MAGI1: variants seen among roughly 807,000 people sequenced by gnomAD.
MAGI1 encodes membrane associated guanylate kinase, WW and PDZ domain containing 1, also known as membrane-associated guanylate kinase, WW and PDZ domain-containing protein 1.
MAGI1 carries 58 observed loss-of-function variants against 139.9 expected under a neutral mutation model. The observed-to-expected ratio is 0.41, with a 90% CI of 0.34 to 0.52. MAGI1 has a LOEUF of 0.52. MAGI1 is among the 20% of genes least tolerant of loss of function. MAGI1 has a pLI of 0.12. For synonymous variants in MAGI1, 812 were observed against 737.9 expected (o/e 1.10, Z -1.63); for missense variants, 1,874 against 1,901.6 (o/e 0.99, Z 0.27).
At chr3:65,531,383 G>A (rs749327707) in intron 2 of MAGI1, among the ~76,000 whole-genome samples, 10 of 151,982 alleles carry the variant, frequency 6.6e-5, no homozygotes, top group Non-Finnish European at 1.2e-4. Flanking sequence ...TTATCGTCAG[G>A]GGAACTCGGG....
At chr3:65,702,499 A>G (rs1281235897) in intron 1 of MAGI1, among the ~76,000 whole-genome samples, 1 of 152,158 alleles carries the variant, frequency 6.6e-6, no homozygotes, top group Non-Finnish European at 1.5e-5. Flanking sequence ...CCAGGCCAGA[A>G]GCTATTAACT....
At chr3:65,392,067 A>G (rs1027342308) in intron 13 of MAGI1, among the ~76,000 whole-genome samples, 1 of 152,170 alleles carries the variant, frequency 6.6e-6, no homozygotes, top group Non-Finnish European at 1.5e-5. Flanking sequence ...ATATGAGTTG[A>G]CCTCTGGGGG....
chr3:65,947,362 A>G (rs2106904036), intron 1 of MAGI1, among the ~76,000 whole-genome samples: 1 of 152,312 alleles, frequency 6.6e-6, no homozygotes, highest in East Asian at 1.9e-4. Flanking sequence ...TATCTCCTAA[A>G]TATATTTAAA....
chr3:65,997,183 G>A (rs148846446), intron 1 of MAGI1, among the ~76,000 whole-genome samples: 6 of 152,052 alleles, frequency 3.9e-5, no homozygotes, highest in Non-Finnish European at 8.8e-5. Flanking sequence ...GAAGTGGTCT[G>A]GCAGCACCTC....
intron 1 of MAGI1, among the ~76,000 whole-genome samples, chr3:65,981,088 G>C (rs1227636593): frequency 6.7e-6 from 1 of 150,176 alleles, no homozygotes; most frequent in Non-Finnish European, 1.5e-5. Flanking sequence ...TTGAACCCGG[G>C]AGGCGGAGGT....
At chr3:65,478,082 CG>C (rs1951011448) in intron 4 of MAGI1, among the ~76,000 whole-genome samples, 1 of 151,966 alleles carries the variant, frequency 6.6e-6, no homozygotes, top group Non-Finnish European at 1.5e-5. Flanking sequence ...AACAATTTTG[CG>C]TAAGTTAACT....
intron 1 of MAGI1, among the ~76,000 whole-genome samples, chr3:65,829,993 C>T (rs1262896140): frequency 1.3e-5 from 2 of 152,150 alleles, no homozygotes; most frequent in East Asian, 1.9e-4. Flanking sequence ...TTAGTCACAA[C>T]GGTATCTACA....
intron 13 of MAGI1, among the ~76,000 whole-genome samples, chr3:65,400,885 C>T (rs923658103): frequency 1.4e-5 from 2 of 146,958 alleles, no homozygotes; most frequent in African/African-American, 2.5e-5. Context: ...AGTGCTGGGG[C>T]AGTGAACATT....
intron 9 of MAGI1, among the ~76,000 whole-genome samples, chr3:65,439,452 C>T: frequency 6.6e-6 from 1 of 152,126 alleles, no homozygotes; most frequent in East Asian, 1.9e-4. Flanking sequence ...TTTTTAAAAG[C>T]ACCCAAAACT....
intron 1 of MAGI1, among the ~76,000 whole-genome samples, chr3:65,966,488 C>T (rs955192640): frequency 1.3e-5 from 2 of 151,732 alleles, no homozygotes; most frequent in African/African-American, 2.4e-5. Context: ...TTGCGACTGA[C>T]AAAAAGAGAA....
chr3:65,549,089 G>C (rs1447428245), intron 2 of MAGI1, among the ~76,000 whole-genome samples: 3 of 152,138 alleles, frequency 2.0e-5, no homozygotes, highest in Non-Finnish European at 4.4e-5. Flanking sequence ...GCCCCTGCTC[G>C]GGCCCTGCGC....
intron 1 of MAGI1, among the ~76,000 whole-genome samples, chr3:65,959,597 CATTTTTATT>C (rs1339394880): frequency 4.3e-5 from 6 of 140,212 alleles, no homozygotes; most frequent in African/African-American, 1.6e-4. Context: ...ACCATCCCAG[CATTTTTATT>C]ATTATTATTA....
At chr3:65,771,767 G>C (rs2037971240) in intron 1 of MAGI1, among the ~76,000 whole-genome samples, 1 of 152,168 alleles carries the variant, frequency 6.6e-6, no homozygotes, top group African/African-American at 2.4e-5. Flanking sequence ...CTCTCCTTCA[G>C]CCTAACCCAG....
intron 1 of MAGI1, among the ~76,000 whole-genome samples, chr3:65,750,553 A>G (rs1487312905): frequency 6.6e-6 from 1 of 152,232 alleles, no homozygotes; most frequent in Non-Finnish European, 1.5e-5. Flanking sequence ...AACATATGCA[A>G]TGTAATTAGT....
chr3:65,896,894 T>C (rs2060991465), intron 1 of MAGI1, among the ~76,000 whole-genome samples: 1 of 152,150 alleles, frequency 6.6e-6, no homozygotes, highest in African/African-American at 2.4e-5. Context: ...TTTATACACC[T>C]ACACATAATA....
At chr3:65,382,197 C>T (rs1943105548) in intron 15 of MAGI1, 128 bp from the exon 16 acceptor site, 1 of 708,978 alleles carries the variant, frequency 1.4e-6, no homozygotes, top group Non-Finnish European at 2.3e-6. Flanking sequence ...ATTTATTGAG[C>T]ACCCACTGTG....
intron 1 of MAGI1, among the ~76,000 whole-genome samples, chr3:65,897,121 G>GT (rs1233797311): frequency 3.3e-5 from 5 of 152,042 alleles, no homozygotes; most frequent in Admixed American, 1.3e-4. Context: ...TTGTTATACT[G>GT]TTTTTTTATT....
chr3:65,784,811 CAA>C (rs2108030496), intron 1 of MAGI1, among the ~76,000 whole-genome samples: 1 of 152,280 alleles, frequency 6.6e-6, no homozygotes, highest in Admixed American at 6.5e-5. Context: ...ATGCATGCTA[CAA>C]CATGGATGAA....
intron 3 of MAGI1, among the ~76,000 whole-genome samples, chr3:65,486,635 T>A (rs1951655478): frequency 6.6e-6 from 1 of 152,194 alleles, no homozygotes; most frequent in Admixed American, 6.5e-5. Flanking sequence ...TTGATGCCAA[T>A]TCTGTTCAGT....
Sources: allele counts gnomAD v4.1 joint callset (sites outside exome capture counted in the v4.1 genomes callset), GRCh38; gene constraint gnomAD v4.1.1; transcripts MANE v1.5; gene names NCBI Gene and HGNC (gene_info 2026-07-23, HGNC 2026-07-21).